RYR1: variants seen among roughly 807,000 people sequenced by gnomAD.
RYR1 encodes the protein central core disease of muscle.
Under a neutral mutation model 583.5 loss-of-function variants are expected in RYR1, and 342 were observed. The observed-to-expected ratio is 0.59, with a 90% CI of 0.54 to 0.64. The LOEUF is 0.64. RYR1 is among the 30% of genes least tolerant of loss of function. The pLI is 0.00. For missense variants in RYR1, 6,032 were observed against 6,917.2 expected (o/e 0.87, Z 4.54); for synonymous variants, 2,791 against 2,822.5 (o/e 0.99, Z 0.35).
In RYR1 at chr19:38,500,635, G is replaced by A. The variant is rs1158365414; in HGVS notation, c.7353G>A (p.Leu2451=). Residue 2451 remains leucine, a synonymous_variant, in exon 46 of 106, where the codon CTG becomes CTA. Coordinates refer to ENST00000359596, the MANE Select transcript of RYR1 (RefSeq NM_000540.3). This position sits in a 1 kb window ranked among gnomAD's most constrained non-coding sequence, Gnocchi z 5.9. ...TCCAAGCCGGCAAGGGTGAGGCCCT[G>A]CGGATCCGCGCCATCCTCCGCTCCC... ...HLIQAGKGEA[L]RIRAILRSLV... is the part of the protein sequence containing the mutation. 1.2e-6 allele frequency: 2 copies of A among 1,613,554 alleles called. No homozygotes were observed. The highest frequency in any genetic ancestry group is 2.2e-5 in the East Asian group (1 of 44,878).
intron 99 of RYR1, among the ~76,000 whole-genome samples, chr19:38,578,926 CT>C (rs1974076450): frequency 6.6e-6 from 1 of 151,328 alleles, no homozygotes; most frequent in South Asian, 2.1e-4. Context: ...GCTTGGGCAA[CT>C]TTTGTAGAGA....
intron 1 of RYR1, among the ~76,000 whole-genome samples, chr19:38,435,416 T>C (rs1726951642): frequency 6.6e-6 from 1 of 152,174 alleles, no homozygotes; most frequent in African/African-American, 2.4e-5. Context: ...TGATTGTTAC[T>C]GAGGTCGTGG....
At position 38,519,437 on chromosome 19, in the gene RYR1, C is replaced by T; in HGVS notation, c.10242C>T (p.Arg3414=). ...ACGCCCTGTATCCGCTGCTCATCCG[C>T]TACGTGGACAACAACAGGTCAGCGG... is the stretch of plus-strand genomic sequence containing the variant. ...DLYALYPLLI[R]YVDNNRAQWL... is the part of the protein sequence containing the mutation. The change falls in exon 67 of 106, where the codon CGC becomes CGT. Residue 3414 remains arginine, a synonymous_variant. Transcript: ENST00000359596. The T allele has an allele frequency of 6.3e-7, 1 of 1,598,530 alleles. No individual in the cohort carries two copies. The highest frequency in any genetic ancestry group is 8.5e-7 in the Non-Finnish European group (1 of 1,173,626).
At chr19:38,442,478 C>T (rs1972738800) in intron 3 of RYR1, 25 bp downstream of exon 3, 7 of 1,570,938 alleles carry the variant, frequency 4.5e-6, no homozygotes, top group African/African-American at 1.4e-5. Flanking sequence ...TGGGGGTGGG[C>T]GGGGTGGCAG....
At chr19:38,467,922 C>T in intron 25 of RYR1, 110 bp downstream of exon 25, 1 of 937,100 alleles carries the variant, frequency 1.1e-6, no homozygotes, top group South Asian at 1.5e-5. Flanking sequence ...CTTCATGCAT[C>T]TACTGTACCA....
intron 70 of RYR1, among the ~76,000 whole-genome samples, chr19:38,524,201 A>AG (rs900496050): frequency 4.0e-5 from 6 of 148,270 alleles, no homozygotes; most frequent in African/African-American, 1.5e-4. Flanking sequence ...AAAAAAAAAA[A>AG]AAGAAAAAAA....
At chr19:38,514,806 G>A (rs560773092) in intron 63 of RYR1, among the ~76,000 whole-genome samples, 2 of 152,174 alleles carry the variant, frequency 1.3e-5, no homozygotes, top group South Asian at 4.2e-4. Context: ...CGACCACCCC[G>A]TGAGGAAGGT....
At chr19:38,461,223 G>A (rs938116474) in intron 20 of RYR1, among the ~76,000 whole-genome samples, 5 of 152,228 alleles carry the variant, frequency 3.3e-5, no homozygotes, top group South Asian at 2.1e-4. Context: ...GCTTGAGCCC[G>A]AAAGTTCGAG....
chr19:38,483,358 G>A lies in RYR1; in HGVS notation c.4776G>A (p.Pro1592=), dbSNP rs749525858. 1.7e-5 allele frequency: 27 copies of A among 1,561,686 alleles called. No homozygotes were observed. The highest frequency in any genetic ancestry group is 1.5e-4 in the South Asian group (13 of 84,956). Residue 1592 remains proline, a synonymous_variant, in exon 33 of 106, where the codon CCG becomes CCA. Coordinates refer to ENST00000359596, the MANE Select transcript of RYR1 (RefSeq NM_000540.3). This position sits in a 1 kb window ranked among gnomAD's most constrained non-coding sequence, Gnocchi z 6.3. ...AGAACCCGGCCCCGCAGTGCCCACC[G>A]CGGCTGGAGATGCAGATGCTGATGC... ...ERKNPAPQCP[P]RLEMQMLMPV... is the part of the protein sequence containing the mutation.
In RYR1 at chr19:38,486,138, A is replaced by G; in HGVS notation, c.5483A>G (p.Asp1828Gly). The change falls in exon 34 of 106, where the codon GAC becomes GGC. Residue 1828 changes from aspartate (D) to glycine (G), a missense_variant. Asp to Gly is a moderately conservative substitution (Grantham distance 94). This residue lies in a region of RYR1 where 2,627 missense variants were observed against 2,961.3 expected (regional missense o/e 0.89). Coordinates refer to ENST00000359596, the MANE Select transcript of RYR1 (RefSeq NM_000540.3). ...CGCGACGGTGGGCAGCACGCTCGCG[A>G]CCCCGTCGGGGGCTCCGTGGAGTTC... is the stretch of plus-strand genomic sequence containing the variant. ...AVRDGGQHAR[D>G]PVGGSVEFQF... is the part of the protein sequence containing the mutation. 3 of 1,612,798 alleles carry G rather than the reference A, an allele frequency of 1.9e-6. No homozygotes were observed. The highest frequency in any genetic ancestry group is 8.5e-7 in the Non-Finnish European group (1 of 1,179,838).
At chr19:38,571,656 GA>G (rs1568593018) in intron 94 of RYR1, among the ~76,000 whole-genome samples, 1 of 152,144 alleles carries the variant, frequency 6.6e-6, no homozygotes, top group Non-Finnish European at 1.5e-5. Flanking sequence ...AAAAAAAGAG[GA>G]TGAGTGTGTG....
intron 39 of RYR1, among the ~76,000 whole-genome samples, chr19:38,495,102 T>C (rs1056692418): frequency 6.6e-6 from 1 of 152,044 alleles, no homozygotes; most frequent in African/African-American, 2.4e-5. Context: ...TCCACCCGCC[T>C]CGGCCTCCCA....
At chr19:38,462,782 G>GGCTGGGGACTT (rs1315853226) in intron 20 of RYR1, among the ~76,000 whole-genome samples, 8 of 152,214 alleles carry the variant, frequency 5.3e-5, no homozygotes. Flanking sequence ...GGCTGGATAG[G>GGCTGGGGACTT]GCTGGGGACT....
intron 20 of RYR1, among the ~76,000 whole-genome samples, chr19:38,462,409 C>T (rs976470163): frequency 1.3e-5 from 2 of 152,104 alleles, no homozygotes; most frequent in African/African-American, 2.4e-5. Context: ...CAGACCAGTG[C>T]CCTGGGCCTC....
In RYR1 at chr19:38,444,567, A is replaced by G; in HGVS notation, c.538-17A>G. 1.9e-6 allele frequency: 3 copies of G among 1,611,002 alleles called. No individual in the cohort carries two copies. Among genetic ancestry groups the G allele is most frequent in the Admixed American group, 1.7e-5 (1 of 59,808 alleles). On this transcript the variant is annotated splice_polypyrimidine_tract_variant and intron_variant, in intron 6 of 105. Coordinates refer to ENST00000359596, the MANE Select transcript of RYR1 (RefSeq NM_000540.3). This position sits in a 1 kb window ranked among gnomAD's most constrained non-coding sequence, Gnocchi z 5.1. ...CCCTGCAATCGTCTCTGACTGCCGC[A>G]TCCTGGTGGCCCCCAGCACCTGTCG... is the stretch of plus-strand genomic sequence containing the variant.
In RYR1 at chr19:38,463,141, G is replaced by GCCCCCCCCCCCCCCCCCCCCCCCCCCC. The variant is rs34883994; in HGVS notation, c.2578-268_2578-267insCCCCCCCCCCCCCCCCCCCCCCCCCCC. ...TTGAACTCCTGACCTCAGGCGATCTGCCCCCCCCCCCCCCACTTAGCCTCC... is the reference window on the plus strand; with the variant it reads ...TTGAACTCCTGACCTCAGGCGATCTGCCCCCCCCCCCCCCCCCCCCCCCCCCCCCCCCCCCCCCCCCACTTAGCCTCC... On this transcript the variant is annotated intron_variant, in intron 20 of 105. Coordinates refer to ENST00000359596, the MANE Select transcript of RYR1 (RefSeq NM_000540.3). 6.1e-5 allele frequency among the ~76,000 whole-genome samples: 2 copies of GCCCCCCCCCCCCCCCCCCCCCCCCCCC among 32,954 alleles called. 1 individual carries two copies. 21.6% of individuals were successfully genotyped at this position (32,954 alleles called of 152,430 possible).
At chr19:38,491,433 GC>G (rs1274543274) in intron 37 of RYR1, among the ~76,000 whole-genome samples, 1 of 140,080 alleles carries the variant, frequency 7.1e-6, no homozygotes, top group African/African-American at 2.8e-5. Flanking sequence ...CTTTCATTTT[GC>G]TTTTTTTTTT....
At chr19:38,532,203 C>A (rs1448863511) in intron 76 of RYR1, among the ~76,000 whole-genome samples, 1 of 151,132 alleles carries the variant, frequency 6.6e-6, no homozygotes, top group Non-Finnish European at 1.5e-5. Context: ...CTCACTGCAA[C>A]CTCTGCCTCC....
intron 7 of RYR1, among the ~76,000 whole-genome samples, chr19:38,445,518 G>A (rs1480856606): frequency 2.0e-5 from 3 of 152,034 alleles, no homozygotes; most frequent in Non-Finnish European, 4.4e-5. Context: ...GACCCACGCT[G>A]GGACTCAAAC....
Sources: allele counts gnomAD v4.1 joint callset (sites outside exome capture counted in the v4.1 genomes callset), GRCh38; gene constraint gnomAD v4.1.1; regional missense constraint gnomAD v4.1.1; non-coding constraint Gnocchi (gnomAD v3.1); transcripts MANE v1.5; gene names NCBI Gene and HGNC (gene_info 2026-07-23, HGNC 2026-07-21).